Variants in CSMD2 observed in about 807,000 individuals in gnomAD.
CSMD2 encodes the protein CUB and Sushi multiple domains 2.
CSMD2 carries 130 observed loss-of-function variants against 398.5 expected under a neutral mutation model. That is an observed-to-expected ratio of 0.33 (90% CI 0.28 to 0.38). The LOEUF (loss-of-function observed/expected upper bound fraction) is 0.38, where lower values mean the gene tolerates loss of function less well. CSMD2 is among the 10% of genes least tolerant of loss of function. The pLI is 1.00. For missense variants in CSMD2, 3,829 were observed against 4,764.9 expected, an observed-to-expected ratio of 0.80 and a Z score of 5.78; for synonymous variants, 1,828 against 1,908.5, an observed-to-expected ratio of 0.96 and a Z score of 1.10.
At chr1:33,829,100 C>T (rs1286219808) in intron 6 of CSMD2, among the ~76,000 whole-genome samples, 1 of 152,208 alleles carries the variant, frequency 6.6e-6, no homozygotes, top group East Asian at 1.9e-4. Flanking sequence ...ATGCTAGAAT[C>T]CACAGGTAGA....
chr1:34,061,777 C>T lies in CSMD2; in HGVS notation c.404+27200G>A, dbSNP rs148875219. Among the ~76,000 whole-genome samples the T allele has an allele frequency of 6.0e-3, 921 of 152,264 alleles. 9 individuals carry two copies. The highest frequency in any genetic ancestry group is 0.021 in the African/African-American group (859 of 41,554). ...GAGATTGCTGGGCACCATAGCTCAT[C>T]GTGACTGCAATGCATCCCCATCATC... On this transcript the variant is annotated intron_variant, in intron 2 of 70. Transcript: ENST00000373381.
At chr1:33,672,929 C>G (rs559244098) in intron 25 of CSMD2, among the ~76,000 whole-genome samples, 18 of 152,304 alleles carry the variant, frequency 1.2e-4, no homozygotes, top group African/African-American at 4.3e-4. Context: ...AACTAACAAA[C>G]AGAAAGGACA....
intron 41 of CSMD2, chr1:33,605,718 G>T: frequency 1.3e-6 from 1 of 768,350 alleles, no homozygotes; most frequent in Non-Finnish European, 2.1e-6. Context: ...CATGGTGAAA[G>T]CTCAGTAAAT....
intron 25 of CSMD2, among the ~76,000 whole-genome samples, chr1:33,668,226 T>C (rs1188255526): frequency 1.3e-5 from 2 of 152,134 alleles, no homozygotes; most frequent in South Asian, 2.1e-4. Flanking sequence ...CTGGCGGGAC[T>C]CCGTGGATGG....
rs544124341 is a variant in CSMD2, at chr1:34,140,270, C to G, written c.187+24641G>C. 2.1e-5 allele frequency among the ~76,000 whole-genome samples: 3 copies of G among 143,928 alleles called. No individual in the cohort carries two copies. In the South Asian group the frequency reaches 6.6e-4, roughly 32 times the overall value. The allele number at this position is 143,928 out of a possible 152,430, so 94.4% of individuals were successfully genotyped here. On this transcript the variant is annotated intron_variant, in intron 1 of 70. Transcript: ENST00000373381. Reference sequence around the variant, plus strand: ...TGCAGTGAAAGGGGAAGATAATACTCCAGACAGAGGAATCGGCATATGCAA... The same window carrying G: ...TGCAGTGAAAGGGGAAGATAATACTGCAGACAGAGGAATCGGCATATGCAA...
chr1:33,655,102 G>A (rs1174174713), intron 27 of CSMD2, among the ~76,000 whole-genome samples: 2 of 152,230 alleles, frequency 1.3e-5, no homozygotes, highest in Admixed American at 6.5e-5. Flanking sequence ...GTCCTTTTGA[G>A]CTTACTAAAC....
intron 1 of CSMD2, among the ~76,000 whole-genome samples, chr1:34,113,931 T>C (rs1661348645): frequency 6.6e-6 from 1 of 152,200 alleles, no homozygotes; most frequent in African/African-American, 2.4e-5. Flanking sequence ...GAGCATAGCA[T>C]ACATTCAGTG....
At chr1:34,059,401 G>A (rs1654213729) in intron 2 of CSMD2, among the ~76,000 whole-genome samples, 1 of 152,082 alleles carries the variant, frequency 6.6e-6, no homozygotes, top group African/African-American at 2.4e-5. Context: ...CATTCTAACT[G>A]GGTCCTTCCT....
chr1:33,975,931 A>G (rs1025728897), intron 3 of CSMD2, among the ~76,000 whole-genome samples: 5 of 152,174 alleles, frequency 3.3e-5, no homozygotes, highest in African/African-American at 9.7e-5. Context: ...TTGACCTCAC[A>G]TGCTCACCCC....
chr1:33,528,714 G>T (rs989050595), intron 64 of CSMD2, among the ~76,000 whole-genome samples: 2 of 152,174 alleles, frequency 1.3e-5, no homozygotes, highest in Non-Finnish European at 2.9e-5. Flanking sequence ...GAAAGGGCTT[G>T]CTCAAGATCA....
intron 13 of CSMD2, among the ~76,000 whole-genome samples, chr1:33,749,910 G>C (rs991920970): frequency 4.6e-5 from 7 of 152,094 alleles, no homozygotes; most frequent in Admixed American, 1.3e-4. Flanking sequence ...TATTTAAATT[G>C]ATTTTGATAC....
Position 33,874,305 on chromosome 1 carries a change from T to C in CSMD2, c.921-27309A>G, listed in dbSNP as rs114501943. On this transcript the variant is annotated intron_variant, in intron 5 of 70. Coordinates refer to ENST00000373381, the MANE Select transcript of CSMD2 (RefSeq NM_001281956.2). ...ATGATTTGGGTACTGTTTGAAGCCA[T>C]TTAATGCAATTATTTTACTTAAGAA... Among the ~76,000 whole-genome samples, 163 of 152,342 alleles carry C rather than the reference T, an allele frequency of 1.1e-3. 1 individual carries two copies. Among genetic ancestry groups the C allele is most frequent in the African/African-American group, 3.8e-3 (156 of 41,576 alleles).
At chr1:33,673,663 A>C (rs1644595880) in intron 25 of CSMD2, among the ~76,000 whole-genome samples, 1 of 152,218 alleles carries the variant, frequency 6.6e-6, no homozygotes, top group Non-Finnish European at 1.5e-5. Flanking sequence ...TAATTGTCAG[A>C]TTCACCAAAG....
intron 3 of CSMD2, among the ~76,000 whole-genome samples, chr1:33,936,834 A>C (rs1007240158): frequency 1.3e-5 from 2 of 152,246 alleles, no homozygotes; most frequent in East Asian, 3.9e-4. Flanking sequence ...GGATACCCCC[A>C]TGGGGTGAGG....
At chr1:33,757,163 G>A (rs937736658) in intron 13 of CSMD2, among the ~76,000 whole-genome samples, 1 of 152,004 alleles carries the variant, frequency 6.6e-6, no homozygotes, top group Non-Finnish European at 1.5e-5. Flanking sequence ...GTTGTGGGGT[G>A]GGGGGAGTGG....
chr1:33,711,287 T>C (rs1645979556), intron 21 of CSMD2, among the ~76,000 whole-genome samples: 2 of 152,212 alleles, frequency 1.3e-5, no homozygotes, highest in African/African-American at 4.8e-5. Flanking sequence ...CTCCATTTTC[T>C]CTGAGATTAC....
rs76933338 is a variant in CSMD2, at chr1:33,929,679, G to A, written c.712+6081C>T. ...TCTCAAACTCCTGATCTCGCGATCT[G>A]CCCGCTTCAGCCTCCGCTTTCTTAC... On this transcript the variant is annotated intron_variant, in intron 4 of 70. Transcript: ENST00000373381. 4.1e-3 allele frequency among the ~76,000 whole-genome samples: 627 copies of A among 152,052 alleles called. 7 individuals carry two copies. The highest frequency in any genetic ancestry group is 0.014 in the African/African-American group (564 of 41,452).
At chr1:33,629,765 C>T (rs1354557410) in intron 32 of CSMD2, among the ~76,000 whole-genome samples, 12 of 150,462 alleles carry the variant, frequency 8.0e-5, no homozygotes, top group East Asian at 2.0e-4. Flanking sequence ...TCTTTTGAGA[C>T]GGAGTCTCTC....
At chr1:33,675,280 A>G (rs1393890450) in intron 25 of CSMD2, among the ~76,000 whole-genome samples, 1 of 152,178 alleles carries the variant, frequency 6.6e-6, no homozygotes, top group African/African-American at 2.4e-5. Flanking sequence ...AGGGGATATC[A>G]CCACCGATCC....
Sources: gnomAD v4.1 joint callset for allele counts (sites outside exome capture counted in the v4.1 genomes callset) on GRCh38, gnomAD v4.1.1 for gene constraint, MANE v1.5 for transcripts, NCBI Gene and HGNC (gene_info 2026-07-23, HGNC 2026-07-21) for gene names.